Variants in CATSPERE observed in about 807,000 individuals in gnomAD.
CATSPERE encodes the protein cation channel sperm-associated auxiliary subunit epsilon.
Under a neutral mutation model 114.1 loss-of-function variants are expected in CATSPERE, and 93 were observed. That is an observed-to-expected ratio of 0.81 (90% CI 0.69 to 0.97). The LOEUF is 0.97. Among genes scored for constraint, CATSPERE ranks in the 50% least tolerant of loss-of-function variants. The probability of loss-of-function intolerance (pLI) is 0.00; values close to 1 mark genes in which losing one functional copy is unlikely to be tolerated. For synonymous variants in CATSPERE, 341 were observed against 384.1 expected (o/e 0.89, Z 1.31); for missense variants, 1,058 against 1,131.6 (o/e 0.93, Z 0.93).
chr1:244,522,324 C>T (rs2148377777), intron 8 of CATSPERE, among the ~76,000 whole-genome samples: 1 of 152,278 alleles, frequency 6.6e-6, no homozygotes, highest in African/African-American at 2.4e-5. Context: ...CTCTGGGATG[C>T]ATTCAAAGCA....
At chr1:244,465,216 A>C (rs1247403750) in intron 2 of CATSPERE, among the ~76,000 whole-genome samples, 1 of 152,004 alleles carries the variant, frequency 6.6e-6, no homozygotes. Context: ...TTGTACTTGT[A>C]GTAGAGATGG....
chr1:244,565,139 A>AT (rs1350880789), intron 10 of CATSPERE, among the ~76,000 whole-genome samples: 2 of 152,026 alleles, frequency 1.3e-5, no homozygotes, highest in South Asian at 2.1e-4. Context: ...GTGCTGCTGG[A>AT]TTTTGTTTGT....
At chr1:244,529,952 A>G (rs929790644) in intron 8 of CATSPERE, among the ~76,000 whole-genome samples, 3 of 151,986 alleles carry the variant, frequency 2.0e-5, no homozygotes, top group African/African-American at 7.2e-5. Flanking sequence ...TCCCAGCACC[A>G]TTTTTGTTTT....
At chr1:244,527,121 C>T (rs1287030598) in intron 8 of CATSPERE, among the ~76,000 whole-genome samples, 1 of 152,148 alleles carries the variant, frequency 6.6e-6, no homozygotes, top group Admixed American at 6.5e-5. Context: ...TCATTGATAA[C>T]ATCTTATCAG....
In CATSPERE at chr1:244,561,056, T is replaced by C; in HGVS notation, c.1418T>C (p.Phe473Ser). Reference protein sequence around the residue: ...KHSIYYCYHNFTFTGILQTPA... With the variant: ...KHSIYYCYHNSTFTGILQTPA... ...AGTATCTACTATTGTTACCATAATT[T>C]CACCTTTACTGGGATTTTACAGACA... Residue 473 changes from phenylalanine (F) to serine (S), a missense_variant, in exon 10 of 22, where the codon TTC (phenylalanine) becomes TCC (serine). Phe to Ser is a radical substitution (Grantham distance 155). Coordinates refer to ENST00000366534, the MANE Select transcript of CATSPERE (RefSeq NM_001130957.2). 1 of 1,612,684 alleles carries C rather than the reference T, an allele frequency of 6.2e-7. No individual in the cohort carries two copies. Among genetic ancestry groups the C allele is most frequent in the East Asian group, 2.2e-5 (1 of 44,862 alleles).
chr1:244,526,930 A>G (rs1374439635), intron 8 of CATSPERE, among the ~76,000 whole-genome samples: 5 of 152,136 alleles, frequency 3.3e-5, no homozygotes, highest in Non-Finnish European at 5.9e-5. Context: ...GCAGGTTTTT[A>G]TTAGTGATTT....
intron 8 of CATSPERE, among the ~76,000 whole-genome samples, chr1:244,530,375 A>G (rs547257699): frequency 2.6e-5 from 4 of 152,230 alleles, no homozygotes; most frequent in African/African-American, 7.2e-5. Context: ...CCATTGGTCT[A>G]TGTGTCTGTT....
intron 10 of CATSPERE, among the ~76,000 whole-genome samples, chr1:244,566,291 G>A (rs1212766352): frequency 1.3e-5 from 2 of 152,154 alleles, no homozygotes; most frequent in Non-Finnish European, 2.9e-5. Flanking sequence ...TGAGAAGAAC[G>A]TATATTCTGT....
chr1:244,498,473 ATAAG>A (rs902251304), intron 6 of CATSPERE, among the ~76,000 whole-genome samples: 13 of 152,224 alleles, frequency 8.5e-5, no homozygotes, highest in Non-Finnish European at 1.6e-4. Flanking sequence ...TTCAAGAAAA[ATAAG>A]AAAGAAAATT....
chr1:244,561,188 A>ATAGTGAAATC, intron 10 of CATSPERE, 43 bp downstream of exon 10: 1 of 1,323,156 alleles, frequency 7.6e-7, no homozygotes, highest in Non-Finnish European at 1.1e-6. Context: ...AGATTTCACT[A>ATAGTGAAATC]TAGACATCTT....
chr1:244,626,376 C>G lies in CATSPERE; in HGVS notation c.2648+8690C>G, dbSNP rs559735654. 1.5e-4 allele frequency among the ~76,000 whole-genome samples: 22 copies of G among 150,572 alleles called. 1 individual carries two copies. The highest frequency in any genetic ancestry group is 5.4e-4 in the African/African-American group (22 of 40,882). On this transcript the variant is annotated intron_variant, in intron 20 of 21. Transcript: ENST00000366534. ...GGCAGGCACCTGTAATCCCAGCTACCTGGGAGGCTGAGGCAGGAGACTCGC... is the reference window on the plus strand; with the variant it reads ...GGCAGGCACCTGTAATCCCAGCTACGTGGGAGGCTGAGGCAGGAGACTCGC...
chr1:244,523,203 A>T (rs1028672718), intron 8 of CATSPERE, among the ~76,000 whole-genome samples: 4 of 149,662 alleles, frequency 2.7e-5, no homozygotes, highest in African/African-American at 1.0e-4. Flanking sequence ...AATAAATGTA[A>T]TCCAGCATAT....
chr1:244,497,948 T>C (rs1449394320), intron 6 of CATSPERE, among the ~76,000 whole-genome samples: 1 of 152,052 alleles, frequency 6.6e-6, no homozygotes, highest in Non-Finnish European at 1.5e-5. Flanking sequence ...GAGGGCATAT[T>C]GGTGCAACTG....
At chr1:244,634,863 G>C (rs1674415143) in intron 20 of CATSPERE, among the ~76,000 whole-genome samples, 1 of 152,074 alleles carries the variant, frequency 6.6e-6, no homozygotes, top group South Asian at 2.1e-4. Flanking sequence ...TTCTTTTTTT[G>C]AGATGGAGTC....
chr1:244,525,921 G>A (rs552509582), intron 8 of CATSPERE, among the ~76,000 whole-genome samples: 1 of 152,290 alleles, frequency 6.6e-6, no homozygotes, highest in African/African-American at 2.4e-5. Context: ...CCTAGAAGTA[G>A]CCAGTGGTTA....
chr1:244,566,273 TGTG>T (rs1447085354), intron 10 of CATSPERE, among the ~76,000 whole-genome samples: 2 of 152,198 alleles, frequency 1.3e-5, no homozygotes, highest in Admixed American at 6.5e-5. Context: ...ATAAGTTTGA[TGTG>T]GTGCTGAGAA....
At chr1:244,597,559 G>C (rs1668615354) in intron 17 of CATSPERE, among the ~76,000 whole-genome samples, 1 of 98,652 alleles carries the variant, frequency 1.0e-5, no homozygotes, top group Admixed American at 1.1e-4. Context: ...TTCATGATCT[G>C]GGATTTTGTT....
At chr1:244,518,234 A>T (rs1363723225) in intron 7 of CATSPERE, among the ~76,000 whole-genome samples, 1 of 152,180 alleles carries the variant, frequency 6.6e-6, no homozygotes, top group Non-Finnish European at 1.5e-5. Context: ...AGGCAGGCTC[A>T]TGTAGGAAGA....
chr1:244,610,560 T>C (rs6698264), intron 19 of CATSPERE: 425,055 of 615,042 alleles, frequency 0.69, 149,580 homozygotes, highest in Middle Eastern at 0.8. Flanking sequence ...AATATGTGTT[T>C]GCAGATTATT....
Sources: gnomAD v4.1 joint callset for allele counts (sites outside exome capture counted in the v4.1 genomes callset) on GRCh38, gnomAD v4.1.1 for gene constraint, MANE v1.5 for transcripts, NCBI Gene and HGNC (gene_info 2026-07-23, HGNC 2026-07-21) for gene names.